SCAI: variants seen among roughly 807,000 people sequenced by gnomAD.
The protein encoded by SCAI is protein SCAI.
A neutral mutation model predicts 92.2 loss-of-function variants in SCAI; 24 were observed. That is an observed-to-expected ratio of 0.26 (90% CI 0.19 to 0.37). SCAI has a LOEUF of 0.37. SCAI is among the 10% of genes least tolerant of loss of function. SCAI has a pLI of 1.00. For missense variants in SCAI, 450 were observed against 736.2 expected (o/e 0.61, Z 4.50); for synonymous variants, 261 against 258.6 (o/e 1.01, Z -0.09).
chr9:125,130,243 C>T (rs895712892), intron 2 of SCAI, among the ~76,000 whole-genome samples: 1 of 152,078 alleles, frequency 6.6e-6, no homozygotes, highest in Non-Finnish European at 1.5e-5. Context: ...TATCAATTTA[C>T]AAGACACAAA....
At chr9:125,103,904 G>A (rs887210530) in intron 2 of SCAI, among the ~76,000 whole-genome samples, 4 of 152,176 alleles carry the variant, frequency 2.6e-5, no homozygotes, top group Non-Finnish European at 5.9e-5. Flanking sequence ...AGCCTGTAGG[G>A]AGAAGTGTAT....
At chr9:124,999,716 A>G (rs1832318235) in intron 13 of SCAI, among the ~76,000 whole-genome samples, 175 bp downstream of exon 13, 1 of 152,224 alleles carries the variant, frequency 6.6e-6, no homozygotes, top group Non-Finnish European at 1.5e-5. Context: ...TTCCTAGGAT[A>G]GACAGAGCCT....
At chr9:125,075,119 C>A (rs886839344) in intron 2 of SCAI, among the ~76,000 whole-genome samples, 1 of 152,094 alleles carries the variant, frequency 6.6e-6, no homozygotes, top group South Asian at 2.1e-4. Context: ...CAAAAATACA[C>A]AAAATGAAAG....
intron 15 of SCAI, chr9:124,974,071 C>T (rs544254443): frequency 1.6e-4 from 41 of 256,964 alleles, no homozygotes; most frequent in African/African-American, 8.9e-4. Flanking sequence ...CTTATAATAA[C>T]CGCCCATCAG....
At chr9:125,142,605 G>T in intron 2 of SCAI, 28 bp downstream of exon 2, 1 of 1,601,506 alleles carries the variant, frequency 6.2e-7, no homozygotes, top group Non-Finnish European at 8.6e-7. Context: ...AGAAAAACAT[G>T]AAGCAAAATA....
At chr9:124,975,044 C>T (rs1831728300) in intron 15 of SCAI, among the ~76,000 whole-genome samples, 1 of 152,082 alleles carries the variant, frequency 6.6e-6, no homozygotes, top group South Asian at 2.1e-4. Flanking sequence ...AATGATAGGA[C>T]AGATTGATAG....
chr9:125,119,972 G>C, intron 2 of SCAI, among the ~76,000 whole-genome samples: 1 of 152,160 alleles, frequency 6.6e-6, no homozygotes, highest in African/African-American at 2.4e-5. Flanking sequence ...ACACTCCAGA[G>C]AGAAAGTTAG....
intron 3 of SCAI, among the ~76,000 whole-genome samples, chr9:125,053,460 T>C (rs1230744115): frequency 6.6e-6 from 1 of 152,196 alleles, no homozygotes; most frequent in Non-Finnish European, 1.5e-5. Flanking sequence ...GATAAATCCT[T>C]ACAATGGAAT....
intron 3 of SCAI, among the ~76,000 whole-genome samples, chr9:125,038,174 T>C (rs1833240586): frequency 6.6e-6 from 1 of 152,108 alleles, no homozygotes; most frequent in Non-Finnish European, 1.5e-5. Context: ...GGAGGATCAA[T>C]TGAGCCCAGG....
In SCAI at chr9:125,055,893, T is replaced by C. The variant is rs761866850; in HGVS notation, c.213A>G (p.Gln71=). Residue 71 remains glutamine (Q), a synonymous_variant, in exon 3 of 18, where the codon CAA becomes CAG. Coordinates refer to ENST00000336505, the MANE Select transcript of SCAI (RefSeq NM_001144877.3). ...DFCYLLDKSK[Q]LFNGLRDLPQ... ...CCACTCACCTTAACCCATTGAACAG[T>C]TGCTTAGATTTATCCAGAAGATAAC... is the stretch of plus-strand genomic sequence containing the variant. 3.0e-5 allele frequency: 49 copies of C among 1,611,802 alleles called. No homozygotes were observed. The highest frequency in any genetic ancestry group is 1.6e-4 in the Middle Eastern group (1 of 6,066).
chr9:124,985,091 C>T (rs1831960558), intron 14 of SCAI, among the ~76,000 whole-genome samples: 2 of 152,154 alleles, frequency 1.3e-5, no homozygotes, highest in Admixed American at 6.5e-5. Context: ...CTGCATTAAA[C>T]TGGAATCCTC....
chr9:125,028,798 T>TC (rs61239948), intron 4 of SCAI, among the ~76,000 whole-genome samples: 26,075 of 152,092 alleles, frequency 0.17, 2,384 homozygotes, highest in East Asian at 0.24. Context: ...AGAACATTAC[T>TC]CTTTTTTTTC....
intron 17 of SCAI, among the ~76,000 whole-genome samples, chr9:124,955,674 C>A (rs1479174208): frequency 1.3e-5 from 2 of 149,310 alleles, no homozygotes; most frequent in East Asian, 2.0e-4. Flanking sequence ...AAAAAAGAAA[C>A]AAACGGTAGT....
intron 17 of SCAI, among the ~76,000 whole-genome samples, chr9:124,959,292 GAA>G (rs371851172): frequency 4.7e-5 from 6 of 128,390 alleles, no homozygotes; most frequent in African/African-American, 1.7e-4. Context: ...CATTTCAAAT[GAA>G]AAAAAAAAAA....
At chr9:125,010,106 C>T (rs182539541) in intron 9 of SCAI, among the ~76,000 whole-genome samples, 2 of 152,288 alleles carry the variant, frequency 1.3e-5, no homozygotes, top group East Asian at 1.9e-4. Context: ...GGGTAAGCGA[C>T]GCAGAAGACG....
chr9:125,027,120 G>A (rs560925071), intron 5 of SCAI, among the ~76,000 whole-genome samples: 5 of 152,212 alleles, frequency 3.3e-5, no homozygotes, highest in African/African-American at 1.2e-4. Context: ...CCTCCTCGCT[G>A]CATCCAAGCC....
intron 7 of SCAI, among the ~76,000 whole-genome samples, chr9:125,020,472 A>G (rs1382123324): frequency 3.3e-5 from 5 of 152,320 alleles, no homozygotes; most frequent in Middle Eastern, 3.4e-3. Context: ...GAATCAAGAT[A>G]ATTATCTCAG....
chr9:125,114,311 A>G (rs1834992850), intron 2 of SCAI, among the ~76,000 whole-genome samples: 1 of 152,192 alleles, frequency 6.6e-6, no homozygotes, highest in East Asian at 1.9e-4. Context: ...GATGGTGTAT[A>G]ATGATTCTAA....
At chr9:125,132,866 G>A (rs928740934) in intron 2 of SCAI, among the ~76,000 whole-genome samples, 2 of 152,176 alleles carry the variant, frequency 1.3e-5, no homozygotes, top group African/African-American at 2.4e-5. Flanking sequence ...TCAGGAGGCT[G>A]AGGCAGGAGA....
Sources: gnomAD v4.1 joint callset for allele counts (sites outside exome capture counted in the v4.1 genomes callset) on GRCh38, gnomAD v4.1.1 for gene constraint, MANE v1.5 for transcripts, NCBI Gene and HGNC (gene_info 2026-07-23, HGNC 2026-07-21) for gene names.